The following ABCB4 variants were observed in gnomAD, a reference collection of about 807,000 sequenced individuals.
The protein encoded by ABCB4 is phosphatidylcholine translocator ABCB4.
A neutral mutation model predicts 145.7 loss-of-function variants in ABCB4; 76 were observed. The ratio of observed to expected loss-of-function variants is 0.52; its 90% CI spans 0.43 to 0.63. The LOEUF (loss-of-function observed/expected upper bound fraction) is 0.63. Among genes scored for constraint, ABCB4 ranks in the 30% least tolerant of loss-of-function variants. The probability of loss-of-function intolerance (pLI) is 0.00; values close to 1 mark genes in which losing one functional copy is unlikely to be tolerated. For missense variants in ABCB4, 1,234 were observed against 1,553.1 expected, an observed-to-expected ratio of 0.79 and a Z score of 3.45; for synonymous variants, 517 against 566.8, an observed-to-expected ratio of 0.91 and a Z score of 1.25.
rs45576033 is a variant in ABCB4 at position 87,425,392 on chromosome 7, T to C, written c.2065-1340A>G. ...GAGGGGAAATTGCTTATCTGACTTA[T>C]AATAATGACGCTCCAAAATGGTACA... On this transcript the variant is annotated intron_variant, in intron 16 of 27. Transcript: ENST00000649586. 1.5e-3 allele frequency among the ~76,000 whole-genome samples: 234 copies of C among 152,320 alleles called. 4 individuals are homozygous for C. The East Asian group carries it at 0.041, about 27-fold the overall frequency.
At chr7:87,461,086 C>G (rs925480194) in intron 4 of ABCB4, among the ~76,000 whole-genome samples, 1 of 152,080 alleles carries the variant, frequency 6.6e-6, no homozygotes, top group African/African-American at 2.4e-5. Context: ...GCTGGGATTA[C>G]AGGCATGAGC....
At position 87,440,181 on chromosome 7, in the gene ABCB4, C is replaced by T. The variant is rs1457879242; in HGVS notation, c.1560+18G>A. On this transcript the variant is annotated intron_variant, in intron 13 of 27. Coordinates refer to ENST00000649586, the MANE Select transcript of ABCB4 (RefSeq NM_000443.4). ...GAAATTCTAATTTCAAGGACAACTA[C>T]TTTATCAGAGGCTTTACCTGTGGTA... 1 of 1,610,996 alleles carries T rather than the reference C, an allele frequency of 6.2e-7. No homozygotes were observed. Among genetic ancestry groups the T allele is most frequent in the East Asian group, 2.2e-5 (1 of 44,822 alleles).
In ABCB4 at chr7:87,423,039, G is replaced by A. The variant is rs558949144; in HGVS notation, c.2212-814C>T. On this transcript the variant is annotated intron_variant, in intron 17 of 27. Transcript: ENST00000649586. Reference sequence around the variant, plus strand: ...GTTTTGAAACTTTAAAAGATTTGGAGGAGGATCTTTTCTAATTTATTTATT... The same window carrying A: ...GTTTTGAAACTTTAAAAGATTTGGAAGAGGATCTTTTCTAATTTATTTATT... 2.6e-4 allele frequency among the ~76,000 whole-genome samples: 40 copies of A among 152,314 alleles called. No homozygotes were observed. In the South Asian group the frequency reaches 4.1e-3, roughly 16 times the overall value.
At chr7:87,398,938 A>C, downstream of ABCB4, 1 of 286,516 alleles carries the variant, frequency 3.5e-6, no homozygotes, top group Non-Finnish European at 6.5e-6. Context: ...AACTTTAACA[A>C]TGCAAGTCTT....
chr7:87,419,967 T>C, intron 19 of ABCB4, 31 bp downstream of exon 19: 1 of 1,598,488 alleles, frequency 6.3e-7, no homozygotes, highest in Non-Finnish European at 8.6e-7. Flanking sequence ...ATGTGAAAGA[T>C]CAGAAGGCAT....
intron 16 of ABCB4, 38 bp downstream of exon 16, chr7:87,426,712 C>G (rs767183808): frequency 6.3e-7 from 1 of 1,595,458 alleles, no homozygotes. Flanking sequence ...AGCAAAACTA[C>G]AAAGTAAAAG....
At chr7:87,435,753 C>T (rs773224939) in intron 14 of ABCB4, among the ~76,000 whole-genome samples, 3 of 152,232 alleles carry the variant, frequency 2.0e-5, no homozygotes, top group Non-Finnish European at 4.4e-5. Flanking sequence ...TTTTAAGTCA[C>T]TAAATTCTTG....
In ABCB4 at chr7:87,408,081, C is replaced by A. The variant is rs766180923; in HGVS notation, c.3235G>T (p.Val1079Phe). The A allele has an allele frequency of 6.2e-7, 1 of 1,614,210 alleles. No individual in the cohort carries two copies. Among genetic ancestry groups the A allele is most frequent in the South Asian group, 1.1e-5 (1 of 91,084 alleles). The stretch of plus-strand genomic sequence containing the variant: ...TCGTAGAACCGCTCCAGGAGCTGGA[C>A]CACCGTGCTCTTCCCACAGCCACTG... ...GSSGCGKSTV[V>F]QLLERFYDPL... is the part of the protein sequence containing the mutation. Residue 1079 changes from valine (V) to phenylalanine (F), a missense_variant, in exon 25 of 28, where the codon GTC becomes TTC. Physicochemically the swap from Val to Phe is conservative, Grantham distance 50. Transcript: ENST00000649586.
chr7:87,443,864 A>T lies in ABCB4; in HGVS notation c.1120-91T>A, dbSNP rs531208361. The T allele has an allele frequency of 2.1e-5, 19 of 924,496 alleles. No homozygotes were observed. In the African/African-American group the frequency reaches 2.8e-4, roughly 13 times the overall value. The allele number at this position is 924,496 out of a possible 1,614,324, so 57.3% of individuals were successfully genotyped here. On this transcript the variant is annotated intron_variant, in intron 10 of 27. Transcript: ENST00000649586. ...TGATTCAGCAAATTCCAAAAATAGG[A>T]CCTGGAATGTCACAATCCCCTTTAC... is the stretch of plus-strand genomic sequence containing the variant.
At chr7:87,404,632 T>C (rs12154399) in intron 26 of ABCB4, among the ~76,000 whole-genome samples, 108,071 of 152,022 alleles carry the variant, frequency 0.71, 40,066 homozygotes, top group Middle Eastern at 0.83. Context: ...AATTACAATA[T>C]GTTAAACAAA....
intron 18 of ABCB4, among the ~76,000 whole-genome samples, chr7:87,421,260 T>C (rs564100025): frequency 2.0e-5 from 3 of 152,210 alleles, no homozygotes; most frequent in Admixed American, 1.3e-4. Flanking sequence ...GCCAGGGGGA[T>C]AGATGATCAG....
chr7:87,459,157 C>T (rs1157957272), intron 4 of ABCB4, among the ~76,000 whole-genome samples: 1 of 152,080 alleles, frequency 6.6e-6, no homozygotes, highest in African/African-American at 2.4e-5. Context: ...TGATAAAATA[C>T]CTTACATAAA....
At chr7:87,450,415 T>C (rs1811634614) in intron 7 of ABCB4, among the ~76,000 whole-genome samples, 1 of 151,858 alleles carries the variant, frequency 6.6e-6, no homozygotes, top group South Asian at 2.1e-4. Context: ...TAAAATAAAA[T>C]AAAACTTTAC....
intron 1 of ABCB4, 71 bp from the exon 2 acceptor site, chr7:87,475,542 CG>C (rs1202163216): frequency 3.3e-6 from 5 of 1,499,356 alleles, no homozygotes; most frequent in Non-Finnish European, 4.6e-6. Flanking sequence ...TCGCGGGGCC[CG>C]GGGGCACTGG....
the ABCB4 span, chr7:87,391,719 A>T: frequency 6.2e-7 from 1 of 1,600,192 alleles, no homozygotes; most frequent in Non-Finnish European, 8.5e-7. Flanking sequence ...CAATGTGAGT[A>T]TTGGAAAGGA....
chr7:87,410,712 G>A (rs534049232), intron 23 of ABCB4, among the ~76,000 whole-genome samples: 1 of 152,260 alleles, frequency 6.6e-6, no homozygotes, highest in South Asian at 2.1e-4. Flanking sequence ...CCTACTCCAT[G>A]TCTGGGGATT....
intron 16 of ABCB4, 108 bp from the exon 17 acceptor site, chr7:87,424,160 T>C (rs1260922647): frequency 7.4e-7 from 1 of 1,353,868 alleles, no homozygotes; most frequent in South Asian, 1.2e-5. Flanking sequence ...GCAAACTAGG[T>C]GCAGAGAATG....
the ABCB4 span, chr7:87,369,500 T>C: frequency 6.4e-6 from 10 of 1,566,706 alleles, no homozygotes; most frequent in Non-Finnish European, 8.8e-6. Flanking sequence ...CAGACTACTT[T>C]CTTGAGTTTC....
chr7:87,404,709 A>G (rs531477718), intron 26 of ABCB4, among the ~76,000 whole-genome samples: 2 of 152,326 alleles, frequency 1.3e-5, no homozygotes, highest in African/African-American at 4.8e-5. Flanking sequence ...ATGGGCAAAC[A>G]ACATGGAGAC....
Sources: allele counts gnomAD v4.1 joint callset (sites outside exome capture counted in the v4.1 genomes callset), GRCh38; gene constraint gnomAD v4.1.1; transcripts MANE v1.5; gene names NCBI Gene and HGNC (gene_info 2026-07-23, HGNC 2026-07-21).